The following MAF variants were observed in gnomAD, a reference collection of about 807,000 sequenced individuals.
MAF encodes the protein transcription factor Maf.
MAF carries 10 observed loss-of-function variants against 22.0 expected under a neutral mutation model. The ratio of observed to expected loss-of-function variants is 0.45; its 90% confidence interval spans 0.28 to 0.77. The LOEUF is 0.77. Among genes scored for constraint, MAF ranks in the 30% least tolerant of loss-of-function variants. The pLI is 0.12. For synonymous variants in MAF, 337 were observed against 255.8 expected, an observed-to-expected ratio of 1.32 and a Z score of -3.03; for missense variants, 544 against 548.4, an observed-to-expected ratio of 0.99 and a Z score of 0.08.
chr16:79,502,201 A>G, the MAF span, among the ~76,000 whole-genome samples: 14 of 152,174 alleles, frequency 9.2e-5, no homozygotes, highest in African/African-American at 2.9e-4. Flanking sequence ...ATGGCTCCTG[A>G]GGCCCGGCTA....
At chr16:79,230,393 G>C in the MAF span, among the ~76,000 whole-genome samples, 1 of 152,166 alleles carries the variant, frequency 6.6e-6, no homozygotes, top group African/African-American at 2.4e-5. Flanking sequence ...GTCACCATCC[G>C]CCTTGAAGGC....
chr16:79,432,973 T>C, the MAF span, among the ~76,000 whole-genome samples: 3 of 152,184 alleles, frequency 2.0e-5, no homozygotes, highest in African/African-American at 7.2e-5. Flanking sequence ...CTACCTGGTT[T>C]GCAGTATTTT....
chr16:79,281,862 C>T, the MAF span, among the ~76,000 whole-genome samples: 2 of 152,130 alleles, frequency 1.3e-5, no homozygotes, highest in Non-Finnish European at 2.9e-5. Flanking sequence ...ACACTCTCCC[C>T]TAAACTCCTG....
chr16:79,544,184 C>G, the MAF span, among the ~76,000 whole-genome samples: 1 of 152,134 alleles, frequency 6.6e-6, no homozygotes, highest in Admixed American at 6.5e-5. Flanking sequence ...ATAAGAGGAG[C>G]AACTATTAAA....
At chr16:79,464,145 C>T in the MAF span, among the ~76,000 whole-genome samples, 1 of 152,104 alleles carries the variant, frequency 6.6e-6, no homozygotes, top group Non-Finnish European at 1.5e-5. Context: ...GGTCTTAAGG[C>T]TGGAAAGAAT....
At chr16:79,441,189 T>G in the MAF span, among the ~76,000 whole-genome samples, 2 of 152,218 alleles carry the variant, frequency 1.3e-5, no homozygotes, top group Non-Finnish European at 2.9e-5. Flanking sequence ...ACACAATACT[T>G]CTGAATTATC....
chr16:79,309,001 T>C, the MAF span, among the ~76,000 whole-genome samples: 9 of 152,284 alleles, frequency 5.9e-5, no homozygotes, highest in African/African-American at 1.7e-4. Flanking sequence ...ATGTGAACAG[T>C]AGCTGGAAAT....
the MAF span, among the ~76,000 whole-genome samples, chr16:79,299,363 G>GAA: frequency 2.9e-4 from 42 of 143,798 alleles, no homozygotes; most frequent in African/African-American, 6.6e-4. Flanking sequence ...AAAAAAAAAA[G>GAA]AAAAAAAACA....
chr16:79,531,089 A>C, the MAF span, among the ~76,000 whole-genome samples: 2 of 152,248 alleles, frequency 1.3e-5, no homozygotes, highest in Non-Finnish European at 2.9e-5. Context: ...CAATGGTGTT[A>C]AAGTATGTAC....
At chr16:79,478,803 CT>C in the MAF span, among the ~76,000 whole-genome samples, 3 of 151,050 alleles carry the variant, frequency 2.0e-5, no homozygotes, top group African/African-American at 2.4e-5. Context: ...CCTACGATAC[CT>C]GTGCACCACC....
chr16:79,218,861 T>A, the MAF span, among the ~76,000 whole-genome samples: 5 of 152,120 alleles, frequency 3.3e-5, no homozygotes, highest in Non-Finnish European at 5.9e-5. Flanking sequence ...TCCTTTTCAA[T>A]CTCCAGTTGT....
At chr16:79,441,820 T>C in the MAF span, among the ~76,000 whole-genome samples, 1 of 152,242 alleles carries the variant, frequency 6.6e-6, no homozygotes, top group Non-Finnish European at 1.5e-5. Flanking sequence ...TATGTGTAAA[T>C]AGAGCCTTCA....
the MAF span, among the ~76,000 whole-genome samples, chr16:79,287,118 CTTTTTTTTT>C: frequency 1.5e-5 from 2 of 136,214 alleles, no homozygotes; most frequent in African/African-American, 5.4e-5. Flanking sequence ...CTCTGCCTTC[CTTTTTTTTT>C]TTTTTTTTTC....
the MAF span, chr16:79,213,030 G>GAT: frequency 5.3e-5 from 8 of 151,880 alleles, no homozygotes; most frequent in Non-Finnish European, 2.9e-5. Context: ...CAAGTACTTA[G>GAT]TGATTAGCGG....
At chr16:79,373,259 T>C in the MAF span, among the ~76,000 whole-genome samples, 1 of 149,970 alleles carries the variant, frequency 6.7e-6, no homozygotes, top group South Asian at 2.1e-4. Context: ...TATTGACAGG[T>C]GGGACCTTTA....
chr16:79,265,335 G>A, the MAF span, among the ~76,000 whole-genome samples: 1 of 152,120 alleles, frequency 6.6e-6, no homozygotes, highest in South Asian at 2.1e-4. Flanking sequence ...AATTCTCTTA[G>A]TGTTTTCACT....
chr16:79,393,713 T>C, the MAF span, among the ~76,000 whole-genome samples: 1 of 152,170 alleles, frequency 6.6e-6, no homozygotes, highest in African/African-American at 2.4e-5. Context: ...GATGCTTGGC[T>C]AGCCAGCTCC....
the MAF span, among the ~76,000 whole-genome samples, chr16:79,525,826 G>C: frequency 1.3e-5 from 2 of 152,210 alleles, no homozygotes; most frequent in East Asian, 3.9e-4. Flanking sequence ...AGTAACTTCA[G>C]GTTTCATGAA....
At chr16:79,277,611 C>G in the MAF span, among the ~76,000 whole-genome samples, 2 of 152,138 alleles carry the variant, frequency 1.3e-5, no homozygotes, top group African/African-American at 4.8e-5. Flanking sequence ...AAAGAGCCAC[C>G]TACATTTGTC....
Sources: gnomAD v4.1 joint callset for allele counts (sites outside exome capture counted in the v4.1 genomes callset) on GRCh38, gnomAD v4.1.1 for gene constraint, MANE v1.5 for transcripts, NCBI Gene and HGNC (gene_info 2026-07-23, HGNC 2026-07-21) for gene names.